Variants in PABPN1 observed in about 807,000 individuals in gnomAD.
PABPN1 encodes the protein polyadenylate-binding protein 2.
A neutral mutation model predicts 33.4 loss-of-function variants in PABPN1; 5 were observed. That is an observed-to-expected ratio of 0.15 (90% CI 0.08 to 0.32). The LOEUF is 0.32. Among genes scored for constraint, PABPN1 ranks in the 10% least tolerant of loss-of-function variants. The pLI is 1.00. For synonymous variants in PABPN1, 176 were observed against 170.6 expected, an observed-to-expected ratio of 1.03 and a Z score of -0.25; for missense variants, 312 against 425.8, an observed-to-expected ratio of 0.73 and a Z score of 2.35.
Position 23,321,789 on chromosome 14 carries a change from G to C in PABPN1, c.320G>C (p.Gly107Ala). 1 of 1,512,316 alleles carries C rather than the reference G, an allele frequency of 6.6e-7. No homozygotes were observed. The highest frequency in any genetic ancestry group is 8.8e-7 in the Non-Finnish European group (1 of 1,131,010). The allele number at this position is 1,512,316 out of a possible 1,614,324, so 93.7% of individuals were successfully genotyped here. A position where few individuals can be genotyped will look rare whatever the true frequency, so the allele number is the denominator to read the frequency against. Residue 107 changes from glycine (G) to alanine (A), a missense_variant, in exon 1 of 7, where the codon GGT becomes GCT. Around this residue, in one of 3 missense-constraint regions of PABPN1, gnomAD observed 167 missense variants for 168.9 expected, o/e 0.99. Transcript: ENST00000216727. ...GAGGAGGAGCCGGGACTGGTCGAGG[G>C]TGACCCGGGGGACGGCGCCATTGAG... is the stretch of plus-strand genomic sequence containing the variant. ...EEEEEPGLVE[G>A]DPGDGAIEDP...
intron 2 of PABPN1, 98 bp downstream of exon 2, chr14:23,322,393 G>A: frequency 9.5e-7 from 1 of 1,052,020 alleles, no homozygotes; most frequent in Non-Finnish European, 1.4e-6. Flanking sequence ...GCACCCTGGA[G>A]CTGCTTGTCT....
intron 6 of PABPN1, chr14:23,324,802 G>C: frequency 4.0e-6 from 1 of 246,918 alleles, no homozygotes; most frequent in Non-Finnish European, 7.9e-6. Flanking sequence ...ACTGGGCCTA[G>C]TGTGGTGCCC....
intron 6 of PABPN1, chr14:23,324,563 G>A (rs536488879): frequency 3.4e-6 from 2 of 585,512 alleles, no homozygotes; most frequent in Admixed American, 6.0e-5. Flanking sequence ...TTGGGAGTTG[G>A]TGGCATTTGA....
Position 23,325,315 on chromosome 14 carries a change from GAA to G in PABPN1, c.*35_*36del. On this transcript the variant is annotated 3_prime_UTR_variant, in exon 7 of 7. Coordinates refer to ENST00000216727, the MANE Select transcript of PABPN1 (RefSeq NM_004643.4). ...AAGTGTGTATTAGGAGGAGAGAGAG[GAA>G]AAAAAGAGGAAAGAAGGAAAAAAAA... 1 of 1,458,722 alleles carries G rather than the reference GAA, an allele frequency of 6.9e-7. No homozygotes were observed. Among genetic ancestry groups the G allele is most frequent in the Admixed American group, 2.3e-5 (1 of 43,400 alleles). 90.4% of individuals were successfully genotyped at this position (1,458,722 alleles called of 1,614,324 possible). A position where few individuals can be genotyped will look rare whatever the true frequency, so the allele number is the denominator to read the frequency against.
chr14:23,323,653 G>C (rs1337491468), intron 4 of PABPN1, among the ~76,000 whole-genome samples, 170 bp downstream of exon 4: 1 of 152,156 alleles, frequency 6.6e-6, no homozygotes, highest in Admixed American at 6.5e-5. Flanking sequence ...TGTCTTCAGA[G>C]GCCAGATAAC....
chr14:23,322,469 C>G (rs1372395305), intron 2 of PABPN1, 174 bp downstream of exon 2: 1 of 667,748 alleles, frequency 1.5e-6, no homozygotes, highest in Non-Finnish European at 2.7e-6. Flanking sequence ...TGAGGCAGAA[C>G]GTATATTTTG....
intron 2 of PABPN1, 70 bp from the exon 3 acceptor site, chr14:23,322,929 G>A (rs1386446157): frequency 6.2e-7 from 1 of 1,603,642 alleles, no homozygotes; most frequent in African/African-American, 1.3e-5. Context: ...GCTGGTGGTG[G>A]AAGTGCAACA....
At position 23,323,314 on chromosome 14, in the gene PABPN1, G is replaced by T. The variant is rs1888469770; in HGVS notation, c.535-63G>T. ...GTATGATGGCCCAGACCAAAGGCTC[G>T]GGAGGGTTCCTTTTGAGACAGGAAT... On this transcript the variant is annotated intron_variant, in intron 3 of 6. Transcript: ENST00000216727. 3.9e-6 allele frequency: 6 copies of T among 1,543,964 alleles called. No individual in the cohort carries two copies. The Admixed American group carries it at 6.7e-5, about 17-fold the overall frequency.
rs867458356 is a variant in PABPN1, at chr14:23,325,951, G to C, written c.*665G>C. Reference sequence around the variant, plus strand: ...TGGGGAAATGCACTACCTTGTTTTGGGGGGTTTAGGGGTGTTTTTGTTTTT... The same window carrying C: ...TGGGGAAATGCACTACCTTGTTTTGCGGGGTTTAGGGGTGTTTTTGTTTTT... On this transcript the variant is annotated 3_prime_UTR_variant, in exon 7 of 7. Coordinates refer to ENST00000216727, the MANE Select transcript of PABPN1 (RefSeq NM_004643.4). The C allele has an allele frequency of 1.3e-5, 2 of 152,162 alleles. No individual in the cohort carries two copies. The highest frequency in any genetic ancestry group is 1.5e-5 in the Non-Finnish European group (1 of 67,998). 9.4% of individuals were successfully genotyped at this position (152,162 alleles called of 1,614,324 possible). A position where few individuals can be genotyped will look rare whatever the true frequency, so the allele number is the denominator to read the frequency against.
chr14:23,323,301 A>AGAC, intron 3 of PABPN1, 76 bp from the exon 4 acceptor site: 4 of 1,488,780 alleles, frequency 2.7e-6, no homozygotes, highest in Non-Finnish European at 3.7e-6. Context: ...ATGATGGCCC[A>AGAC]GACCAAAGGC....
chr14:23,325,399 T>C lies in PABPN1; in HGVS notation c.*113T>C. 1 of 1,336,522 alleles carries C rather than the reference T, an allele frequency of 7.5e-7. No individual in the cohort carries two copies. Among genetic ancestry groups the C allele is most frequent in the African/African-American group, 1.5e-5 (1 of 65,312 alleles). 82.8% of individuals were successfully genotyped at this position (1,336,522 alleles called of 1,614,324 possible). The stretch of plus-strand genomic sequence containing the variant: ...AGATGACCTTGATGGAAAAAAAATA[T>C]TTTTTAAAAAAAAGATATACTGTGG... On this transcript the variant is annotated 3_prime_UTR_variant, in exon 7 of 7. Transcript: ENST00000216727.
Position 23,323,980 on chromosome 14 carries a change from G to A in PABPN1, c.657G>A (p.Glu219=), listed in dbSNP as rs777404183. Residue 219 remains glutamate, a synonymous_variant, in exon 5 of 7, where the codon GAG becomes GAA. Transcript: ENST00000216727. Reference sequence around the variant, plus strand: ...TTCTTTTCAGGTTTGCGTATATAGAGTTCTCAGACAAAGAGTCAGTGAGGA... The same window carrying A: ...TTCTTTTCAGGTTTGCGTATATAGAATTCTCAGACAAAGAGTCAGTGAGGA... ...SGHPKGFAYI[E]FSDKESVRTS... is the part of the protein sequence containing the mutation. 1.4e-5 allele frequency: 23 copies of A among 1,614,014 alleles called. No individual in the cohort carries two copies. In the African/African-American group the frequency reaches 2.5e-4, roughly 18 times the overall value.
intron 1 of PABPN1, 93 bp downstream of exon 1, chr14:23,321,913 T>G (rs998871866): frequency 3.0e-3 from 615 of 208,196 alleles, no homozygotes; most frequent in African/African-American, 7.4e-3. Flanking sequence ...AGGCGGGGGG[T>G]GGGGTTGGGC....
chr14:23,325,196 C>T, intron 6 of PABPN1, 51 bp from the exon 7 acceptor site: 3 of 1,612,860 alleles, frequency 1.9e-6, no homozygotes, highest in Non-Finnish European at 2.5e-6. Flanking sequence ...GGGGCTTGTA[C>T]TGAACTATCT....
At position 23,325,345 on chromosome 14, in the gene PABPN1, G is replaced by GAAGAAAAAAAAAAAAAAAAAAA; in HGVS notation, c.*61_*62insGAAAAAAAAAAAAAAAAAAAAA. Reference sequence around the variant, plus strand: ...AAAGAGGAAAGAAGGAAAAAAAAAAGAATTAAAAAAAAAAAAAAGAAAAAC... The same window carrying GAAGAAAAAAAAAAAAAAAAAAA: ...AAAGAGGAAAGAAGGAAAAAAAAAAGAAGAAAAAAAAAAAAAAAAAAAAATTAAAAAAAAAAAAAAGAAAAAC... On this transcript the variant is annotated 3_prime_UTR_variant, in exon 7 of 7. Transcript: ENST00000216727. 9.0e-7 allele frequency: 1 copy of GAAGAAAAAAAAAAAAAAAAAAA among 1,115,736 alleles called. No homozygotes were observed. The allele number at this position is 1,115,736 out of a possible 1,614,324, so 69.1% of individuals were successfully genotyped here.
At chr14:23,323,916 C>T (rs771762919) in intron 4 of PABPN1, 49 bp from the exon 5 acceptor site, 12 of 1,599,766 alleles carry the variant, frequency 7.5e-6, no homozygotes, top group African/African-American at 1.3e-5. Flanking sequence ...TGAATTTGAC[C>T]TGTGAGGTAT....
chr14:23,324,207 C>A lies in PABPN1; in HGVS notation c.799C>A (p.Arg267Ser). 3.7e-6 allele frequency: 6 copies of A among 1,614,198 alleles called. No individual in the cohort carries two copies. Among genetic ancestry groups the A allele is most frequent in the Non-Finnish European group, 5.1e-6 (6 of 1,180,038 alleles). Residue 267 changes from arginine (R) to serine (S), a missense_variant, in exon 6 of 7, where the codon CGC (arginine) becomes AGC (serine). Physicochemically the swap from Arg to Ser is moderately radical, Grantham distance 110. This residue lies in a region of PABPN1 where 68 missense variants were observed against 71.1 expected (regional missense o/e 0.96). Transcript: ENST00000216727. ...CCGGGGTTTTCCACGAGCCCGCTAC[C>A]GCGCCCGGACCACCAACTACAACAG... Reference protein sequence around the residue: ...TDRGFPRARYRARTTNYNSSR... With the variant: ...TDRGFPRARYSARTTNYNSSR...
At chr14:23,325,034 C>G in intron 6 of PABPN1, 1 of 408,842 alleles carries the variant, frequency 2.4e-6, no homozygotes, top group Admixed American at 5.8e-5. Flanking sequence ...TTTTTCGCCA[C>G]TGTTTGGCAG....
intron 2 of PABPN1, 61 bp from the exon 3 acceptor site, chr14:23,322,938 C>T: frequency 6.2e-7 from 1 of 1,609,644 alleles, no homozygotes; most frequent in Non-Finnish European, 8.5e-7. Flanking sequence ...GGAAGTGCAA[C>T]ATATTGGTCA....
Sources: allele counts gnomAD v4.1 joint callset (sites outside exome capture counted in the v4.1 genomes callset), GRCh38; gene constraint gnomAD v4.1.1; regional missense constraint gnomAD v4.1.1; transcripts MANE v1.5; gene names NCBI Gene and HGNC (gene_info 2026-07-23, HGNC 2026-07-21).